Variants in LARGE1 observed in about 807,000 individuals in gnomAD.
LARGE1 encodes the protein LARGE xylosyl- and glucuronyltransferase 1.
Under a neutral mutation model 87.6 loss-of-function variants are expected in LARGE1, and 43 were observed. That is an observed-to-expected ratio of 0.49 (90% CI 0.38 to 0.63). LARGE1 has a LOEUF of 0.63. Among genes scored for constraint, LARGE1 ranks in the 30% least tolerant of loss-of-function variants. LARGE1 has a pLI of 0.00. For synonymous variants in LARGE1, 434 were observed against 394.6 expected (o/e 1.10, Z -1.18); for missense variants, 802 against 1,000.2 (o/e 0.80, Z 2.67).
At chr22:33,854,756 C>T (rs929097304) in intron 1 of LARGE1, among the ~76,000 whole-genome samples, 1 of 151,924 alleles carries the variant, frequency 6.6e-6, no homozygotes, top group Non-Finnish European at 1.5e-5. Flanking sequence ...TTGGGAGATG[C>T]AGTTGTGATT....
At chr22:33,850,920 C>A (rs2063566296) in intron 1 of LARGE1, among the ~76,000 whole-genome samples, 1 of 152,256 alleles carries the variant, frequency 6.6e-6, no homozygotes, top group East Asian at 1.9e-4. Context: ...AAAAAAGACA[C>A]CACCTGAGCA....
chr22:33,586,473 T>C (rs2078677148), intron 5 of LARGE1, among the ~76,000 whole-genome samples: 1 of 134,580 alleles, frequency 7.4e-6, no homozygotes, highest in Non-Finnish European at 1.6e-5. Flanking sequence ...TTTTTTTTTT[T>C]CAGACGGAGT....
At chr22:33,792,839 C>T (rs1408166471) in intron 1 of LARGE1, among the ~76,000 whole-genome samples, 2 of 152,204 alleles carry the variant, frequency 1.3e-5, no homozygotes, top group African/African-American at 2.4e-5. Context: ...AAACAGACCC[C>T]TTTCTCACTG....
At chr22:33,236,006 G>A (rs1045704608) in intron 11 of LARGE1, among the ~76,000 whole-genome samples, 2 of 152,194 alleles carry the variant, frequency 1.3e-5, no homozygotes, top group African/African-American at 4.8e-5. Flanking sequence ...GAGAGATGCA[G>A]GGAAGAAAGC....
intron 7 of LARGE1, among the ~76,000 whole-genome samples, chr22:33,411,067 A>G (rs1226908512): frequency 6.6e-6 from 1 of 152,086 alleles, no homozygotes; most frequent in Non-Finnish European, 1.5e-5. Context: ...TGCACACTGA[A>G]CCATACAGGT....
At position 33,274,416 on chromosome 22, in the gene LARGE1, G is replaced by C. The variant is rs777333037; in HGVS notation, c.*11C>G. 5 of 1,613,994 alleles carry C rather than the reference G, an allele frequency of 3.1e-6. No individual in the cohort carries two copies. Among genetic ancestry groups the C allele is most frequent in the Non-Finnish European group, 4.2e-6 (5 of 1,179,834 alleles). On this transcript the variant is annotated 3_prime_UTR_variant, in exon 15 of 15. Coordinates refer to ENST00000397394, the MANE Select transcript of LARGE1 (RefSeq NM_133642.5). The stretch of plus-strand genomic sequence containing the variant: ...ACAGCATGTCTCCCCCTAGTGGTGG[G>C]CTTCTTGGTGCTAGCTGTTGTTCTC...
At chr22:33,511,141 G>A (rs1434891052) in intron 6 of LARGE1, among the ~76,000 whole-genome samples, 2 of 152,188 alleles carry the variant, frequency 1.3e-5, no homozygotes, top group East Asian at 3.9e-4. Flanking sequence ...CATTTGGACA[G>A]ATGTTTCCAC....
intron 2 of LARGE1, among the ~76,000 whole-genome samples, chr22:33,666,792 C>T (rs2081279354): frequency 6.6e-6 from 1 of 152,146 alleles, no homozygotes. Context: ...TCAATAGAAT[C>T]TCCAGCTGAT....
chr22:33,768,159 C>T (rs2084961059), intron 1 of LARGE1, among the ~76,000 whole-genome samples: 1 of 151,960 alleles, frequency 6.6e-6, no homozygotes, highest in African/African-American at 2.4e-5. Flanking sequence ...AATACAAAAA[C>T]TTAGCCAGGC....
intron 12 of LARGE1, among the ~76,000 whole-genome samples, chr22:33,303,969 T>G (rs1012426508): frequency 6.6e-6 from 1 of 152,224 alleles, no homozygotes; most frequent in Non-Finnish European, 1.5e-5. Flanking sequence ...AGCAATAGAC[T>G]GGCAGACAAA....
intron 6 of LARGE1, among the ~76,000 whole-genome samples, chr22:33,555,912 G>A (rs1211736602): frequency 1.4e-5 from 2 of 141,178 alleles, no homozygotes; most frequent in South Asian, 4.5e-4. Context: ...AGTGGGTGGA[G>A]AGAGAGAGAC....
chr22:33,664,779 G>A (rs1052618221), intron 2 of LARGE1, among the ~76,000 whole-genome samples: 1 of 152,124 alleles, frequency 6.6e-6, no homozygotes, highest in African/African-American at 2.4e-5. Context: ...CAGAAGAAAC[G>A]CTTGAACCCA....
chr22:33,607,338 G>A (rs939409968), intron 4 of LARGE1, among the ~76,000 whole-genome samples: 7 of 151,828 alleles, frequency 4.6e-5, no homozygotes, highest in East Asian at 3.9e-4. Context: ...GCAGATGCCT[G>A]TAATTCCAGC....
At chr22:33,441,212 T>C (rs570760486) in intron 6 of LARGE1, among the ~76,000 whole-genome samples, 48 of 151,756 alleles carry the variant, frequency 3.2e-4, no homozygotes, top group Admixed American at 5.9e-4. Flanking sequence ...TAGCTGGGAT[T>C]ACAGGTGCTT....
chr22:33,410,864 T>C (rs1459739387), intron 7 of LARGE1, among the ~76,000 whole-genome samples: 1 of 152,160 alleles, frequency 6.6e-6, no homozygotes, highest in Non-Finnish European at 1.5e-5. Flanking sequence ...GGGAATTATA[T>C]GAGCTGGTGC....
intron 8 of LARGE1, among the ~76,000 whole-genome samples, chr22:33,382,666 T>C (rs567161964): frequency 6.6e-6 from 1 of 152,306 alleles, no homozygotes; most frequent in East Asian, 1.9e-4. Context: ...CAGGCCATAC[T>C]TATTAACTAG....
At chr22:33,287,456 T>C (rs5749598) in intron 12 of LARGE1, among the ~76,000 whole-genome samples, 46,548 of 152,198 alleles carry the variant, frequency 0.31, 12,277 homozygotes, top group African/African-American at 0.72. Flanking sequence ...CAGATAGATC[T>C]ATTTCAGAGT....
chr22:33,818,856 C>T (rs1187414158), intron 1 of LARGE1, among the ~76,000 whole-genome samples: 1 of 152,130 alleles, frequency 6.6e-6, no homozygotes, highest in East Asian at 1.9e-4. Flanking sequence ...TCCAGGACTT[C>T]CCCCACCTTC....
rs146256154 is a variant in LARGE1, at chr22:33,863,256, T to C, written c.-83+56739A>G. ...TGGAGGTTAATCCAACCTCATCAGG[T>C]AATTGAGGCAAAGCATTTGCCATGG... is the stretch of plus-strand genomic sequence containing the variant. On this transcript the variant is annotated intron_variant, in intron 1 of 14. Coordinates refer to ENST00000397394, the MANE Select transcript of LARGE1 (RefSeq NM_133642.5). 1.9e-3 allele frequency among the ~76,000 whole-genome samples: 291 copies of C among 152,290 alleles called. 2 individuals carry two copies. The highest frequency in any genetic ancestry group is 6.5e-3 in the African/African-American group (272 of 41,554).
Sources: gnomAD v4.1 joint callset for allele counts (sites outside exome capture counted in the v4.1 genomes callset) on GRCh38, gnomAD v4.1.1 for gene constraint, MANE v1.5 for transcripts, NCBI Gene and HGNC (gene_info 2026-07-23, HGNC 2026-07-21) for gene names.